The following PRDM15 variants were observed in gnomAD, a reference collection of about 807,000 sequenced individuals.
PRDM15 encodes the protein PR/SET domain 15, also known as PR domain zinc finger protein 15.
In PRDM15, 64 loss-of-function variants were observed where a neutral mutation model predicts 128.6. That is an observed-to-expected ratio of 0.50 (90% CI 0.41 to 0.61). The LOEUF is 0.61. PRDM15 is among the 20% of genes least tolerant of loss of function. PRDM15 has a pLI of 0.00. For synonymous variants in PRDM15, 615 were observed against 621.8 expected (o/e 0.99, Z 0.16); for missense variants, 1,242 against 1,569.1 (o/e 0.79, Z 3.52).
At chr21:41,851,035 C>T (rs2063412897) in intron 5 of PRDM15, among the ~76,000 whole-genome samples, 1 of 152,190 alleles carries the variant, frequency 6.6e-6, no homozygotes, top group South Asian at 2.1e-4. Flanking sequence ...CTGGGTTCGT[C>T]GGCTGCCAAT....
intron 21 of PRDM15, among the ~76,000 whole-genome samples, chr21:41,807,932 A>G (rs1281597499): frequency 6.6e-6 from 1 of 152,166 alleles, no homozygotes; most frequent in African/African-American, 2.4e-5. Flanking sequence ...CAGTTGAAGG[A>G]GCAGAGCACA....
rs1035982521 is a variant in PRDM15, at chr21:41,800,986, G to A, written c.*254C>T. On this transcript the variant is annotated 3_prime_UTR_variant, in exon 24 of 24. Transcript: ENST00000398548. ...GGGAGGCAGATGCGGCCCCGGCCCA[G>A]GACTTACTGCCTTGGTAAGGCATGG... 1.2e-5 allele frequency: 5 copies of A among 433,638 alleles called. No homozygotes were observed. Among genetic ancestry groups the A allele is most frequent in the Non-Finnish European group, 2.0e-5 (5 of 250,012 alleles). 26.9% of individuals were successfully genotyped at this position (433,638 alleles called of 1,614,324 possible).
At chr21:41,867,217 CA>C (rs2064040757) in intron 1 of PRDM15, 1 of 1,007,950 alleles carries the variant, frequency 9.9e-7, no homozygotes, top group Non-Finnish European at 1.5e-6. Flanking sequence ...GGCAGCCACT[CA>C]GGGGCCTCTG....
intron 9 of PRDM15, 112 bp from the exon 10 acceptor site, chr21:41,836,319 G>A: frequency 7.7e-7 from 1 of 1,302,954 alleles, no homozygotes; most frequent in Non-Finnish European, 1.1e-6. Flanking sequence ...ATGCGAAGGA[G>A]CTGCAGAGAT....
rs1156486386 is a variant in PRDM15 at position 41,857,208 on chromosome 21, T to C, written c.253A>G (p.Lys85Glu). Residue 85 changes from lysine to glutamate, a missense_variant, in exon 4 of 24, where the codon AAA becomes GAA. By Grantham distance (56) the Lys-to-Glu change is moderately conservative. Transcript: ENST00000398548. ...FGPFESRRVA[K>E]WEKESAFPLK... ...GGAAATGCAGACTCCTTTTCCCATT[T>C]GGCGACCCTCCTGGACTCAAAGGGA... is the stretch of plus-strand genomic sequence containing the variant. The C allele has an allele frequency of 6.2e-7, 1 of 1,613,788 alleles. No homozygotes were observed. Among genetic ancestry groups the C allele is most frequent in the Non-Finnish European group, 8.5e-7 (1 of 1,179,874 alleles).
Position 41,857,353 on chromosome 21 carries a change from T to C in PRDM15, c.132-24A>G, listed in dbSNP as rs376692439. 55 of 1,612,592 alleles carry C rather than the reference T, an allele frequency of 3.4e-5. No individual in the cohort carries two copies. In the African/African-American group the frequency reaches 6.5e-4, roughly 19 times the overall value. On this transcript the variant is annotated intron_variant, in intron 3 of 23. Transcript: ENST00000398548. ...ACCTGGAAATGGAATAAAACAAGAC[T>C]CAAAAGAGAGCACTCACACCCAGGG...
chr21:41,859,444 T>G lies in PRDM15; in HGVS notation c.131+148A>C. 1 of 733,098 alleles carries G rather than the reference T, an allele frequency of 1.4e-6. No homozygotes were observed. The highest frequency in any genetic ancestry group is 1.8e-5 in the South Asian group (1 of 54,914). The allele number at this position is 733,098 out of a possible 1,614,324, so 45.4% of individuals were successfully genotyped here. A position where few individuals can be genotyped will look rare whatever the true frequency, so the allele number is the denominator to read the frequency against. On this transcript the variant is annotated intron_variant, in intron 3 of 23. Transcript: ENST00000398548. This position sits in a 1 kb window ranked among gnomAD's most constrained non-coding sequence, Gnocchi z 5.3. ...TGTCCCGGCAGCAACGCTGCTCAGT[T>G]CACAGTGGGAGCGGAATCGCTGGCT...
In PRDM15 at chr21:41,854,480, G is replaced by GT. The variant is rs1211766058; in HGVS notation, c.538+85dup. On this transcript the variant is annotated intron_variant, in intron 5 of 23. Transcript: ENST00000398548. This position sits in a 1 kb window ranked among gnomAD's most constrained non-coding sequence, Gnocchi z 4.6. ...GCCCAGCCCAACCCATCTCATCAGT[G>GT]TGGGGTCAGCACAGAGCCAAGGGAC... is the stretch of plus-strand genomic sequence containing the variant. 8 of 1,530,212 alleles carry GT rather than the reference G, an allele frequency of 5.2e-6. No individual in the cohort carries two copies. The African/African-American group carries it at 1.1e-4, about 21-fold the overall frequency. 94.8% of individuals were successfully genotyped at this position (1,530,212 alleles called of 1,614,324 possible).
intron 23 of PRDM15, 106 bp downstream of exon 23, chr21:41,802,606 A>G: frequency 2.2e-6 from 2 of 928,972 alleles, no homozygotes. Flanking sequence ...TGAAGTCCAC[A>G]TGTACACTGT....
At chr21:41,837,813 T>C in intron 8 of PRDM15, 121 bp downstream of exon 8, 1 of 1,001,578 alleles carries the variant, frequency 1.0e-6, no homozygotes, top group Non-Finnish European at 1.5e-6. Flanking sequence ...CCTCAGCAGG[T>C]CTGTTTCCAT....
chr21:41,818,237 G>A (rs2062120053), intron 18 of PRDM15, among the ~76,000 whole-genome samples: 2 of 152,230 alleles, frequency 1.3e-5, no homozygotes, highest in African/African-American at 4.8e-5. Context: ...AAGCCAGCCT[G>A]TCCCGCTAAG....
chr21:41,868,649 A>T (rs1226383832), intron 1 of PRDM15, among the ~76,000 whole-genome samples: 1 of 151,036 alleles, frequency 6.6e-6, no homozygotes, highest in Non-Finnish European at 1.5e-5. Context: ...AATCCTCTTC[A>T]GTAAAAGGTC....
chr21:41,851,985 C>T lies in PRDM15; in HGVS notation c.538+2581G>A, dbSNP rs148613789. On this transcript the variant is annotated intron_variant, in intron 5 of 23. Coordinates refer to ENST00000398548, the MANE Select transcript of PRDM15 (RefSeq NM_001040424.3). ...ACAGACTGTCCTGGTAGAATTATTA[C>T]AAGTGTCCTTTTATTCTGAGAGGTT... Among the ~76,000 whole-genome samples the T allele has an allele frequency of 1.3e-4, 20 of 152,312 alleles. No individual in the cohort carries two copies. In the East Asian group the frequency reaches 3.1e-3, roughly 23 times the overall value.
chr21:41,831,285 G>A (rs2062682294), intron 11 of PRDM15, among the ~76,000 whole-genome samples: 1 of 152,246 alleles, frequency 6.6e-6, no homozygotes, highest in Non-Finnish European at 1.5e-5. Flanking sequence ...CTGCCTCAGC[G>A]TTTTGGGCCA....
rs1363623189 is a variant in PRDM15 at position 41,801,337 on chromosome 21, T to C, written c.3329A>G (p.Asp1110Gly). 2 of 1,592,334 alleles carry C rather than the reference T, an allele frequency of 1.3e-6. No homozygotes were observed. The highest frequency in any genetic ancestry group is 2.2e-5 in the East Asian group (1 of 44,552). Reference sequence around the variant, plus strand: ...CTGCGGCTGCGAGGGTGGCAAGACGTCAGTCTGGGGCACTGCCCGCCACGT... The same window carrying C: ...CTGCGGCTGCGAGGGTGGCAAGACGCCAGTCTGGGGCACTGCCCGCCACGT... ...PLTWRAVPQTDVLPPSQPQAP... is the reference protein window; with the variant it reads ...PLTWRAVPQTGVLPPSQPQAP... The change falls in exon 24 of 24, where the codon GAC (aspartate) becomes GGC (glycine). Residue 1110 changes from aspartate to glycine, a missense_variant. Coordinates refer to ENST00000398548, the MANE Select transcript of PRDM15 (RefSeq NM_001040424.3).
intron 5 of PRDM15, among the ~76,000 whole-genome samples, chr21:41,848,919 A>G (rs1340929293): frequency 2.0e-5 from 3 of 152,242 alleles, no homozygotes; most frequent in Non-Finnish European, 4.4e-5. Flanking sequence ...TTGACTGCCA[A>G]TCACTTAAAT....
rs2063637786 is a variant in PRDM15 at position 41,856,446 on chromosome 21, T to C, written c.285+730A>G. The stretch of plus-strand genomic sequence containing the variant: ...GCCTGTCCTAAGACAAGCAGATCCA[T>C]TTCAAGGGTCTCTAAGAAAAGTTTG... On this transcript the variant is annotated intron_variant, in intron 4 of 23. Coordinates refer to ENST00000398548, the MANE Select transcript of PRDM15 (RefSeq NM_001040424.3). Among the ~76,000 whole-genome samples the C allele has an allele frequency of 4.6e-5, 7 of 151,596 alleles. No homozygotes were observed. The South Asian group carries it at 1.5e-3, about 32-fold the overall frequency.
intron 14 of PRDM15, chr21:41,823,045 A>G: frequency 2.5e-6 from 1 of 399,718 alleles, no homozygotes; most frequent in East Asian, 5.2e-5. Flanking sequence ...AAAAAAAAAA[A>G]AAAGAATGGG....
At chr21:41,850,156 C>T (rs1035779186) in intron 5 of PRDM15, among the ~76,000 whole-genome samples, 4 of 152,222 alleles carry the variant, frequency 2.6e-5, no homozygotes, top group African/African-American at 9.6e-5. Context: ...GGGACTCTGG[C>T]TCTGATTTCC....
Sources: gnomAD v4.1 joint callset for allele counts (sites outside exome capture counted in the v4.1 genomes callset) on GRCh38, gnomAD v4.1.1 for gene constraint, Gnocchi (gnomAD v3.1) non-coding constraint, MANE v1.5 for transcripts, NCBI Gene and HGNC (gene_info 2026-07-23, HGNC 2026-07-21) for gene names.